ATL2: variants seen among roughly 807,000 people sequenced by gnomAD.
ATL2 encodes atlastin-2.
Under a neutral mutation model 73.9 loss-of-function variants are expected in ATL2, and 31 were observed. That is an observed-to-expected ratio of 0.42 (90% CI 0.32 to 0.57). The LOEUF (loss-of-function observed/expected upper bound fraction) is 0.57, where lower values mean the gene tolerates loss of function less well. Among genes scored for constraint, ATL2 ranks in the 20% least tolerant of loss-of-function variants. The probability of loss-of-function intolerance (pLI) is 0.14; values close to 1 mark genes in which losing one functional copy is unlikely to be tolerated. For missense variants in ATL2, 738 were observed against 702.6 expected (o/e 1.05, Z -0.57); for synonymous variants, 291 against 237.5 (o/e 1.23, Z -2.07).
At position 38,358,941 on chromosome 2, in the gene ATL2, CAG is replaced by C. The variant is rs1670847045; in HGVS notation, c.119-15431_119-15430del. Among the ~76,000 whole-genome samples the C allele has an allele frequency of 2.6e-5, 4 of 152,234 alleles. No individual in the cohort carries two copies. The South Asian group carries it at 8.3e-4, about 32-fold the overall frequency. ...AGGAAAAAAACAGCTACTAGTCAAACAGATACTACAAGAAAATATTTTAACTT... is the reference window on the plus strand; with the variant it reads ...AGGAAAAAAACAGCTACTAGTCAAACATACTACAAGAAAATATTTTAACTT... On this transcript the variant is annotated intron_variant, in intron 1 of 12. Coordinates refer to ENST00000378954, the MANE Select transcript of ATL2 (RefSeq NM_001135673.4).
chr2:38,314,708 AAAG>A, intron 5 of ATL2, 44 bp from the exon 6 acceptor site: 1 of 1,315,554 alleles, frequency 7.6e-7, no homozygotes, highest in South Asian at 1.3e-5. Context: ...AAAGAGATTG[AAAG>A]AAGACATGTG....
In ATL2 at chr2:38,310,454, G is replaced by A. The variant is rs1188196639; in HGVS notation, c.805-7C>T. On this transcript the variant is annotated splice_polypyrimidine_tract_variant and splice_region_variant and intron_variant, in intron 7 of 12. Coordinates refer to ENST00000378954, the MANE Select transcript of ATL2 (RefSeq NM_001135673.4). ...CATGTTGATTTTGTTTTACCTGAGG[G>A]CGGAGAGAGACAGGTGAAATTGTAA... 2 of 1,580,174 alleles carry A rather than the reference G, an allele frequency of 1.3e-6. No homozygotes were observed. Among genetic ancestry groups the A allele is most frequent in the Admixed American group, 2.0e-5 (1 of 49,984 alleles).
rs1319551369 is a variant in ATL2, at chr2:38,300,333, A to G, written c.1072-5T>C. On this transcript the variant is annotated splice_polypyrimidine_tract_variant and splice_region_variant and intron_variant, in intron 9 of 12. Transcript: ENST00000378954. The stretch of plus-strand genomic sequence containing the variant: ...TTGATAGATTTTGATGTAAGCCTAA[A>G]AAGGGAGAAGATTTGTTAGACTGAC... The G allele has an allele frequency of 6.2e-7, 1 of 1,604,712 alleles. No individual in the cohort carries two copies. The highest frequency in any genetic ancestry group is 2.2e-5 in the East Asian group (1 of 44,810).
intron 9 of ATL2, among the ~76,000 whole-genome samples, chr2:38,303,788 A>T (rs1442648835): frequency 6.6e-6 from 1 of 152,182 alleles, no homozygotes; most frequent in East Asian, 1.9e-4. Context: ...TGACCCAAAT[A>T]AGACTACCTC....
intron 2 of ATL2, among the ~76,000 whole-genome samples, chr2:38,330,840 C>A (rs1668945948): frequency 6.6e-6 from 1 of 152,154 alleles, no homozygotes; most frequent in African/African-American, 2.4e-5. Flanking sequence ...CTGATAGAAT[C>A]CCAGCTAACT....
In ATL2 at chr2:38,312,419, G is replaced by C. The variant is rs889878350; in HGVS notation, c.804+732C>G. 3.3e-5 allele frequency among the ~76,000 whole-genome samples: 5 copies of C among 152,232 alleles called. No individual in the cohort carries two copies. The East Asian group carries it at 5.8e-4, about 18-fold the overall frequency. The stretch of plus-strand genomic sequence containing the variant: ...CTCTCTCCTGCCATCTTGTGAAGAA[G>C]GTGCTTGCTGGCTGGGTGCGGTGGC... On this transcript the variant is annotated intron_variant, in intron 7 of 12. Transcript: ENST00000378954.
rs540855954 is a variant in ATL2 at position 38,320,301 on chromosome 2, G to T, written c.364-1282C>A. On this transcript the variant is annotated intron_variant, in intron 2 of 12. Coordinates refer to ENST00000378954, the MANE Select transcript of ATL2 (RefSeq NM_001135673.4). ...GGTGTGCTAATGATACTGTGGTTAG[G>T]AAAAAAAAGAGTCCTTATCTATTAG... 4.3e-4 allele frequency among the ~76,000 whole-genome samples: 65 copies of T among 151,606 alleles called. 1 individual carries two copies. Among genetic ancestry groups the T allele is most frequent in the African/African-American group, 1.5e-3 (62 of 41,398 alleles).
chr2:38,345,749 C>T (rs879521071), intron 1 of ATL2, among the ~76,000 whole-genome samples: 25 of 152,112 alleles, frequency 1.6e-4, no homozygotes, highest in African/African-American at 3.1e-4. Flanking sequence ...AGGATGCAAA[C>T]GGTATAAGTT....
intron 2 of ATL2, among the ~76,000 whole-genome samples, chr2:38,321,733 G>T (rs115015363): frequency 0.024 from 3,599 of 151,424 alleles, 67 homozygotes; most frequent in Non-Finnish European, 0.036. Flanking sequence ...CTTTTTTTGA[G>T]ACAGGGTCTC....
At chr2:38,315,242 A>G in intron 5 of ATL2, 42 bp downstream of exon 5, 1 of 1,433,202 alleles carries the variant, frequency 7.0e-7, no homozygotes, top group Non-Finnish European at 9.1e-7. Flanking sequence ...CAAGAGCGAA[A>G]CTCCATCTCA....
At chr2:38,362,696 C>T (rs901815470) in intron 1 of ATL2, among the ~76,000 whole-genome samples, 2 of 152,194 alleles carry the variant, frequency 1.3e-5, no homozygotes, top group African/African-American at 2.4e-5. Flanking sequence ...ACTACAGATT[C>T]AGTAGTAAAA....
At position 38,295,766 on chromosome 2, in the gene ATL2, T is replaced by G; in HGVS notation, c.*228A>C. On this transcript the variant is annotated 3_prime_UTR_variant, in exon 13 of 13. Transcript: ENST00000378954. ...AAAAGAGTTAAACATGGCACAAAGGTGCATGATTAACCAATGCTCCTCAGT... is the reference window on the plus strand; with the variant it reads ...AAAAGAGTTAAACATGGCACAAAGGGGCATGATTAACCAATGCTCCTCAGT... 2.6e-6 allele frequency: 1 copy of G among 387,056 alleles called. No individual in the cohort carries two copies. The highest frequency in any genetic ancestry group is 4.7e-6 in the Non-Finnish European group (1 of 214,518). 24.0% of individuals were successfully genotyped at this position (387,056 alleles called of 1,614,324 possible).
At chr2:38,356,259 A>G (rs1347083335) in intron 1 of ATL2, among the ~76,000 whole-genome samples, 1 of 150,828 alleles carries the variant, frequency 6.6e-6, no homozygotes, top group Non-Finnish European at 1.5e-5. Context: ...ACTCTCATCG[A>G]CCAGGCTGGA....
At chr2:38,321,793 G>A (rs1668335463) in intron 2 of ATL2, among the ~76,000 whole-genome samples, 1 of 151,884 alleles carries the variant, frequency 6.6e-6, no homozygotes, top group African/African-American at 2.4e-5. Context: ...ACTCAATGAA[G>A]CCTCATCCTC....
intron 1 of ATL2, among the ~76,000 whole-genome samples, chr2:38,349,116 G>C (rs1207480966): frequency 7.9e-5 from 12 of 151,704 alleles, no homozygotes; most frequent in African/African-American, 1.7e-4. Context: ...TCAGTGTGGC[G>C]ATTCCTCAGG....
chr2:38,365,790 G>C (rs888700727), intron 1 of ATL2, among the ~76,000 whole-genome samples: 1 of 151,478 alleles, frequency 6.6e-6, no homozygotes, highest in African/African-American at 2.4e-5. Context: ...ATCTCAAAAA[G>C]AAAAAAATTC....
In ATL2 at chr2:38,315,069, T is replaced by C. The variant is rs141073641; in HGVS notation, c.654+215A>G. Among the ~76,000 whole-genome samples the C allele has an allele frequency of 2.1e-3, 321 of 152,298 alleles. 3 individuals carry two copies. Among genetic ancestry groups the C allele is most frequent in the Admixed American group, 0.014 (220 of 15,306 alleles). ...AAGTTCAAGACCAGCCTGACCAACA[T>C]GGTGAAACTTCATCTCCACTAAAAA... On this transcript the variant is annotated intron_variant, in intron 5 of 12. Transcript: ENST00000378954.
chr2:38,309,449 G>C lies in ATL2; in HGVS notation c.1001C>G (p.Pro334Arg), dbSNP rs766581581. 6.2e-7 allele frequency: 1 copy of C among 1,612,482 alleles called. No homozygotes were observed. The highest frequency in any genetic ancestry group is 1.1e-5 in the South Asian group (1 of 91,006). ...LRNLVPLLLA[P>R]ENLVEKEISG... ...TATCTCTTTTTCTACCAAATTTTCA[G>C]GGGCAAGCAGCAATGGAACCAGATT... Residue 334 changes from proline (P) to arginine (R), a missense_variant, in exon 9 of 13, where the codon CCT (proline) becomes CGT (arginine). By Grantham distance (103) the Pro-to-Arg change is moderately radical (BLOSUM62 -2). Transcript: ENST00000378954.
At chr2:38,357,571 G>C (rs1362878227) in intron 1 of ATL2, among the ~76,000 whole-genome samples, 1 of 140,908 alleles carries the variant, frequency 7.1e-6, no homozygotes, top group Non-Finnish European at 1.5e-5. Flanking sequence ...AGAATCGCTT[G>C]AACCCGGGAG....
Sources: gnomAD v4.1 joint callset for allele counts (sites outside exome capture counted in the v4.1 genomes callset) on GRCh38, gnomAD v4.1.1 for gene constraint, MANE v1.5 for transcripts, NCBI Gene and HGNC (gene_info 2026-07-23, HGNC 2026-07-21) for gene names.